The following ZNF578 variants were observed in gnomAD, a reference collection of about 807,000 sequenced individuals.
ZNF578 encodes the protein Putative chemokine-related protein B42.
A neutral mutation model predicts 8.3 loss-of-function variants in ZNF578; 8 were observed. The observed-to-expected ratio is 0.96, with a 90% CI of 0.56 to 1.74. The LOEUF is 1.74. ZNF578 is among the 40% of genes most tolerant of loss of function. The pLI is 0.00. For missense variants in ZNF578, 726 were observed against 707.5 expected (o/e 1.03, Z -0.30); for synonymous variants, 206 against 232.2 (o/e 0.89, Z 1.03).
At chr19:52,477,133 GGCTCTTGCCCAAAATTA>G (rs996844847) in intron 2 of ZNF578, among the ~76,000 whole-genome samples, 1 of 152,132 alleles carries the variant, frequency 6.6e-6, no homozygotes, top group Non-Finnish European at 1.5e-5. Flanking sequence ...AAGTTAAGAT[GGCTCTTGCCCAAAATTA>G]GTCCCATGTA....
At chr19:52,492,355 G>T (rs912161745) in intron 3 of ZNF578, among the ~76,000 whole-genome samples, 1 of 152,068 alleles carries the variant, frequency 6.6e-6, no homozygotes, top group African/African-American at 2.4e-5. Flanking sequence ...TAAGCAGCAG[G>T]TGGTGACCTC....
At chr19:52,464,410 C>G (rs946880014) in intron 2 of ZNF578, among the ~76,000 whole-genome samples, 1 of 152,058 alleles carries the variant, frequency 6.6e-6, no homozygotes, top group Non-Finnish European at 1.5e-5. Flanking sequence ...TAAGGTGGGC[C>G]AAGTACAATA....
At chr19:52,460,256 T>C (rs1356574899) in intron 2 of ZNF578, among the ~76,000 whole-genome samples, 1 of 152,010 alleles carries the variant, frequency 6.6e-6, no homozygotes, top group Non-Finnish European at 1.5e-5. Context: ...GGGTATACCA[T>C]TTTACATTCT....
chr19:52,510,176 T>C (rs1392078344), intron 5 of ZNF578, among the ~76,000 whole-genome samples: 1 of 151,470 alleles, frequency 6.6e-6, no homozygotes, highest in Admixed American at 6.6e-5. Context: ...TGTGTGGTGT[T>C]TTTTTTTTGC....
intron 2 of ZNF578, chr19:52,474,071 G>T: frequency 7.5e-6 from 3 of 400,484 alleles, no homozygotes; most frequent in South Asian, 4.2e-5. Context: ...ACATTTGTAA[G>T]GCCTCTCTCC....
At position 52,516,655 on chromosome 19, in the gene ZNF578, G is replaced by A. The variant is rs1195970205; in HGVS notation, c.*4501G>A. Among the ~76,000 whole-genome samples the A allele has an allele frequency of 6.6e-6, 1 of 152,194 alleles. No individual in the cohort carries two copies. Among genetic ancestry groups the A allele is most frequent in the Non-Finnish European group, 1.5e-5 (1 of 68,044 alleles). On this transcript the variant is annotated 3_prime_UTR_variant, in exon 6 of 6. Transcript: ENST00000421239. ...CTGCACCATCTTGACTGATCAATGT[G>A]CTTTGTAATCTCCCCCACCCTTCAG...
chr19:52,483,425 G>A (rs4802959), intron 2 of ZNF578, among the ~76,000 whole-genome samples: 93,005 of 151,940 alleles, frequency 0.61, 28,612 homozygotes, highest in Admixed American at 0.64. Context: ...CAAAAAATAC[G>A]TAAATAAATA....
intron 5 of ZNF578, among the ~76,000 whole-genome samples, chr19:52,508,467 C>A (rs2059432851): frequency 6.6e-6 from 1 of 152,058 alleles, no homozygotes; most frequent in Non-Finnish European, 1.5e-5. Flanking sequence ...AAGGCCCCAT[C>A]TGCAGGAACA....
rs202107921 is a variant in ZNF578 at position 52,497,820 on chromosome 19, G to GA, written c.-19-4001dup. Among the ~76,000 whole-genome samples the GA allele has an allele frequency of 1.4e-3, 217 of 152,156 alleles. 2 individuals are homozygous for GA. The East Asian group carries it at 0.027, about 19-fold the overall frequency. ...TCCATTTTCTTTTCTTATGTCATCTGAAAAAATGGTTATCTGTGAGCTTCT... is the reference window on the plus strand; with the variant it reads ...TCCATTTTCTTTTCTTATGTCATCTGAAAAAAATGGTTATCTGTGAGCTTCT... On this transcript the variant is annotated intron_variant, in intron 3 of 5. Transcript: ENST00000421239.
intron 4 of ZNF578, among the ~76,000 whole-genome samples, chr19:52,503,653 G>A (rs1254822133): frequency 1.3e-5 from 2 of 152,118 alleles, no homozygotes; most frequent in Non-Finnish European, 2.9e-5. Flanking sequence ...AATCATGATA[G>A]TTTTTAGATT....
Position 52,501,873 on chromosome 19 carries a change from A to G in ZNF578, c.28A>G (p.Arg10Gly), listed in dbSNP as rs776414304. The G allele has an allele frequency of 6.2e-7, 1 of 1,613,634 alleles. No homozygotes were observed. Among genetic ancestry groups the G allele is most frequent in the Non-Finnish European group, 8.5e-7 (1 of 1,179,772 alleles). The change falls in exon 4 of 6, where the codon AGG (arginine) becomes GGG (glycine). Residue 10 changes from arginine to glycine, a missense_variant. Transcript: ENST00000421239. ...GTTACATGAGGAAGCAGCTCAGAAG[A>G]GGAAAGGAAAGGAGCCAGGCATGGC... MLHEEAAQKRKGKEPGMALP... is the reference protein window; with the variant it reads MLHEEAAQKGKGKEPGMALP...
At chr19:52,480,915 AATAAT>A (rs1468685845) in intron 2 of ZNF578, among the ~76,000 whole-genome samples, 1 of 131,196 alleles carries the variant, frequency 7.6e-6, no homozygotes, top group Non-Finnish European at 1.5e-5. Context: ...TAATAATAAT[AATAAT>A]AATAATAATA....
rs650897 is a variant in ZNF578, at chr19:52,516,009, G to T, written c.*3855G>T. Reference sequence around the variant, plus strand: ...CCACAGCCCCGTGTGCAGGGCCCCTGCCAGTGTCCAGCCTCCTCCTGGCAG... The same window carrying T: ...CCACAGCCCCGTGTGCAGGGCCCCTTCCAGTGTCCAGCCTCCTCCTGGCAG... On this transcript the variant is annotated 3_prime_UTR_variant, in exon 6 of 6. Transcript: ENST00000421239. 0.25 allele frequency among the ~76,000 whole-genome samples: 37,343 copies of T among 151,744 alleles called. 6,443 individuals are homozygous for T. Among genetic ancestry groups the T allele is most frequent in the African/African-American group, 0.5 (20,530 of 41,268 alleles).
At chr19:52,468,778 G>C (rs1176673409) in intron 2 of ZNF578, among the ~76,000 whole-genome samples, 1 of 152,158 alleles carries the variant, frequency 6.6e-6, no homozygotes, top group Non-Finnish European at 1.5e-5. Flanking sequence ...AACCTTGCTT[G>C]CTGAGTCTTC....
At chr19:52,461,221 A>G (rs1286949828) in intron 2 of ZNF578, among the ~76,000 whole-genome samples, 1 of 152,138 alleles carries the variant, frequency 6.6e-6, no homozygotes, top group Non-Finnish European at 1.5e-5. Context: ...ACTTTTTCCC[A>G]ATGATGTTCA....
chr19:52,464,665 C>T (rs1294861712), intron 2 of ZNF578, among the ~76,000 whole-genome samples: 1 of 152,028 alleles, frequency 6.6e-6, no homozygotes, highest in African/African-American at 2.4e-5. Context: ...TTTTGCTGCA[C>T]AGAGTATGTC....
At chr19:52,491,756 G>T (rs1007143018) in intron 3 of ZNF578, among the ~76,000 whole-genome samples, 15 of 151,988 alleles carry the variant, frequency 9.9e-5, no homozygotes, top group Non-Finnish European at 1.5e-4. Context: ...AAAAGTAATA[G>T]ATCTCTTTAA....
rs778702946 is a variant in ZNF578, at chr19:52,511,526, A to C, written c.1145A>C (p.Gln382Pro). 3.1e-6 allele frequency: 5 copies of C among 1,613,806 alleles called. No individual in the cohort carries two copies. The highest frequency in any genetic ancestry group is 4.2e-6 in the Non-Finnish European group (5 of 1,179,750). Residue 382 changes from glutamine (Q) to proline (P), a missense_variant, in exon 6 of 6, where the codon CAA becomes CCA. Gln to Pro is a moderately conservative substitution (Grantham distance 76). Transcript: ENST00000421239. ...KCNECGKMFG[Q>P]NSTLVIHKAI... ...AATGAGTGTGGCAAGATGTTTGGTCAAAATTCAACCCTTGTAATTCATAAG... is the reference window on the plus strand; with the variant it reads ...AATGAGTGTGGCAAGATGTTTGGTCCAAATTCAACCCTTGTAATTCATAAG...
At chr19:52,466,667 G>A (rs149105481) in intron 2 of ZNF578, among the ~76,000 whole-genome samples, 285 of 152,294 alleles carry the variant, frequency 1.9e-3, no homozygotes, top group African/African-American at 6.5e-3. Context: ...AAACTCACTT[G>A]TGGACAACTG....
Sources: allele counts gnomAD v4.1 joint callset (sites outside exome capture counted in the v4.1 genomes callset), GRCh38; gene constraint gnomAD v4.1.1; transcripts MANE v1.5; gene names NCBI Gene and HGNC (gene_info 2026-07-23, HGNC 2026-07-21).